Variants in PALLD observed in about 807,000 individuals in gnomAD.
PALLD encodes palladin.
PALLD carries 61 observed loss-of-function variants against 123.5 expected under a neutral mutation model. The observed-to-expected ratio is 0.49, with a 90% confidence interval of 0.40 to 0.61. The LOEUF (loss-of-function observed/expected upper bound fraction) is 0.61, where lower values mean the gene tolerates loss of function less well. PALLD is among the 20% of genes least tolerant of loss of function. PALLD has a pLI of 0.00. For missense variants in PALLD, 1,273 were observed against 1,377.0 expected (o/e 0.92, Z 1.20); for synonymous variants, 465 against 496.4 (o/e 0.94, Z 0.84).
At chr4:168,692,971 A>G (rs1379219035) in intron 8 of PALLD, among the ~76,000 whole-genome samples, 1 of 152,234 alleles carries the variant, frequency 6.6e-6, no homozygotes, top group Non-Finnish European at 1.5e-5. Flanking sequence ...ATATTTGAAA[A>G]GGGAAAACAC....
At chr4:168,633,842 T>G (rs1776073431) in intron 2 of PALLD, among the ~76,000 whole-genome samples, 2 of 152,250 alleles carry the variant, frequency 1.3e-5, no homozygotes, top group African/African-American at 4.8e-5. Context: ...AATCATACTT[T>G]GCCAATGCAT....
At chr4:168,608,765 A>G (rs572042158) in intron 2 of PALLD, among the ~76,000 whole-genome samples, 2 of 151,120 alleles carry the variant, frequency 1.3e-5, no homozygotes, top group African/African-American at 4.8e-5. Context: ...ATTTTTTAGT[A>G]TCTGTCATTT....
intron 10 of PALLD, among the ~76,000 whole-genome samples, chr4:168,798,947 T>C (rs1256879027): frequency 1.3e-5 from 2 of 152,200 alleles, no homozygotes; most frequent in Non-Finnish European, 2.9e-5. Context: ...TAAAAGAGTT[T>C]AATTGAGCAA....
intron 2 of PALLD, among the ~76,000 whole-genome samples, chr4:168,573,256 C>T (rs1008060626): frequency 2.0e-5 from 3 of 151,960 alleles, no homozygotes; most frequent in Non-Finnish European, 4.4e-5. Context: ...TCTGAACACT[C>T]CCGCCAAAGG....
intron 2 of PALLD, among the ~76,000 whole-genome samples, chr4:168,514,432 A>G (rs902427640): frequency 1.3e-5 from 2 of 152,326 alleles, no homozygotes; most frequent in South Asian, 4.1e-4. Flanking sequence ...TCAGCTTTAC[A>G]GTAATTTTAC....
At chr4:168,842,403 C>T (rs1669343215) in intron 10 of PALLD, among the ~76,000 whole-genome samples, 2 of 152,162 alleles carry the variant, frequency 1.3e-5, no homozygotes, top group South Asian at 4.1e-4. Context: ...TGATGTTTTC[C>T]TTGGCCATCC....
At chr4:168,813,995 G>A (rs894592365) in intron 10 of PALLD, among the ~76,000 whole-genome samples, 2 of 152,124 alleles carry the variant, frequency 1.3e-5, no homozygotes, top group Admixed American at 6.6e-5. Flanking sequence ...TTTCAGTGAT[G>A]GGAAATAGAA....
intron 10 of PALLD, among the ~76,000 whole-genome samples, chr4:168,805,449 A>T (rs113673020): frequency 6.6e-6 from 1 of 152,302 alleles, no homozygotes; most frequent in African/African-American, 2.4e-5. Flanking sequence ...TCTCTCATTT[A>T]AGGCCCAAAG....
intron 1 of PALLD, among the ~76,000 whole-genome samples, chr4:168,505,628 T>C (rs1021382490): frequency 2.0e-5 from 3 of 152,226 alleles, no homozygotes; most frequent in African/African-American, 7.2e-5. Flanking sequence ...TCCCTGGGCT[T>C]AAACCTTGGT....
intron 2 of PALLD, among the ~76,000 whole-genome samples, chr4:168,526,918 C>T (rs1055275093): frequency 6.6e-6 from 1 of 152,116 alleles, no homozygotes; most frequent in Non-Finnish European, 1.5e-5. Flanking sequence ...AGAAACAGTT[C>T]CAAGAAGCAA....
At chr4:168,593,020 A>T (rs12641087) in intron 2 of PALLD, among the ~76,000 whole-genome samples, 80,078 of 137,542 alleles carry the variant, frequency 0.58, 21,861 homozygotes, top group East Asian at 0.83. Flanking sequence ...CTCTTCCTTT[A>T]AAAAAAAAAA....
chr4:168,652,251 C>T (rs1474738302), intron 2 of PALLD, among the ~76,000 whole-genome samples: 1 of 151,954 alleles, frequency 6.6e-6, no homozygotes, highest in Non-Finnish European at 1.5e-5. Context: ...AAGAAGAATG[C>T]TGAAAAATCA....
intron 2 of PALLD, among the ~76,000 whole-genome samples, chr4:168,573,834 C>G (rs912330424): frequency 6.6e-6 from 1 of 152,102 alleles, no homozygotes; most frequent in Non-Finnish European, 1.5e-5. Context: ...TTTCTAAATG[C>G]TTGAGACTAC....
At chr4:168,792,395 A>G (rs943525690) in intron 10 of PALLD, among the ~76,000 whole-genome samples, 1 of 152,112 alleles carries the variant, frequency 6.6e-6, no homozygotes, top group Non-Finnish European at 1.5e-5. Flanking sequence ...AACCTAGGGA[A>G]TATTGCCAAG....
In PALLD at chr4:168,691,306, T is replaced by C. The variant is rs1561405137; in HGVS notation, c.1501+14T>C. On this transcript the variant is annotated intron_variant, in intron 8 of 21. Coordinates refer to ENST00000505667, the MANE Select transcript of PALLD (RefSeq NM_001166108.2). ...CAGCTGAACCTGGTAAGAATATTTTTAGGGTTTTTTTTTTTGGTGGTGGGG... is the reference window on the plus strand; with the variant it reads ...CAGCTGAACCTGGTAAGAATATTTTCAGGGTTTTTTTTTTTGGTGGTGGGG... 1.9e-6 allele frequency: 3 copies of C among 1,607,426 alleles called. No homozygotes were observed. The highest frequency in any genetic ancestry group is 2.2e-5 in the South Asian group (2 of 89,564).
At chr4:168,521,872 A>AT (rs755651819) in intron 2 of PALLD, among the ~76,000 whole-genome samples, 167 of 152,068 alleles carry the variant, frequency 1.1e-3, no homozygotes, top group Admixed American at 3.1e-3. Context: ...ATAACATACT[A>AT]TTTTTTTTAT....
chr4:168,622,391 G>A (rs779107484), intron 2 of PALLD, among the ~76,000 whole-genome samples: 11 of 152,206 alleles, frequency 7.2e-5, no homozygotes, highest in Non-Finnish European at 1.3e-4. Flanking sequence ...TTCCAGTCTT[G>A]CTCAAACAAT....
chr4:168,752,358 C>A (rs569564723), intron 10 of PALLD, among the ~76,000 whole-genome samples: 1 of 152,222 alleles, frequency 6.6e-6, no homozygotes, highest in East Asian at 1.9e-4. Context: ...TGAGGGAGAC[C>A]CCGCCTAAAA....
chr4:168,826,217 C>G (rs1454087164), intron 10 of PALLD, among the ~76,000 whole-genome samples: 1 of 152,118 alleles, frequency 6.6e-6, no homozygotes, highest in African/African-American at 2.4e-5. Flanking sequence ...TACTGTGGAT[C>G]AAGCAGGACA....
Sources: gnomAD v4.1 joint callset for allele counts (sites outside exome capture counted in the v4.1 genomes callset) on GRCh38, gnomAD v4.1.1 for gene constraint, MANE v1.5 for transcripts, NCBI Gene and HGNC (gene_info 2026-07-23, HGNC 2026-07-21) for gene names.